Variants in RHOBTB1 observed in about 807,000 individuals in gnomAD.
RHOBTB1 encodes the protein rho-related BTB domain-containing protein 1.
In RHOBTB1, 40 loss-of-function variants were observed where a neutral mutation model predicts 71.6. That is an observed-to-expected ratio of 0.56 (90% CI 0.43 to 0.73). The LOEUF (loss-of-function observed/expected upper bound fraction) is 0.73. Ranked by LOEUF, RHOBTB1 falls within the 30% of genes least tolerant of loss-of-function variation. The pLI is 0.00. For missense variants in RHOBTB1, 797 were observed against 894.0 expected (o/e 0.89, Z 1.38); for synonymous variants, 319 against 334.9 (o/e 0.95, Z 0.52).
At chr10:60,924,613 C>A (rs1488201152) in intron 2 of RHOBTB1, among the ~76,000 whole-genome samples, 10 of 152,170 alleles carry the variant, frequency 6.6e-5, no homozygotes, top group African/African-American at 2.2e-4. Flanking sequence ...AAGAAAAAAA[C>A]ATCAGACTTA....
intron 1 of RHOBTB1, among the ~76,000 whole-genome samples, chr10:60,990,272 C>T (rs2086815765): frequency 2.6e-5 from 4 of 152,074 alleles, no homozygotes; most frequent in Admixed American, 2.0e-4. Context: ...CGTCAGCCAC[C>T]GTGCCCGGCC....
rs1001966545 is a variant in RHOBTB1 at position 60,895,699 on chromosome 10, C to T, written c.297-2704G>A. Among the ~76,000 whole-genome samples, 8 of 152,366 alleles carry T rather than the reference C, an allele frequency of 5.3e-5. No individual in the cohort carries two copies. In the South Asian group the frequency reaches 1.2e-3, roughly 24 times the overall value. ...GATTACAGGCGCAAGCCACCGCGCC[C>T]GGCCCAAGATCATATTTTAAGTATC... On this transcript the variant is annotated intron_variant, in intron 4 of 10. Coordinates refer to ENST00000337910, the MANE Select transcript of RHOBTB1 (RefSeq NM_014836.5).
At chr10:60,922,364 C>T (rs1003697202) in intron 2 of RHOBTB1, among the ~76,000 whole-genome samples, 1 of 152,168 alleles carries the variant, frequency 6.6e-6, no homozygotes, top group South Asian at 2.1e-4. Flanking sequence ...GGCACTGATG[C>T]CTTGAACCCT....
chr10:60,978,643 T>C (rs980084746), intron 2 of RHOBTB1, among the ~76,000 whole-genome samples: 4 of 152,178 alleles, frequency 2.6e-5, no homozygotes, highest in Non-Finnish European at 5.9e-5. Flanking sequence ...GTTCTAGAGA[T>C]AAATCAAGCT....
intron 2 of RHOBTB1, among the ~76,000 whole-genome samples, chr10:60,921,836 GC>G (rs1184283096): frequency 1.3e-5 from 2 of 152,118 alleles, no homozygotes; most frequent in African/African-American, 4.8e-5. Context: ...CATCTGTGTG[GC>G]CCATCACAAG....
intron 2 of RHOBTB1, among the ~76,000 whole-genome samples, chr10:60,941,308 T>C (rs1461343144): frequency 6.6e-6 from 1 of 152,194 alleles, no homozygotes; most frequent in Non-Finnish European, 1.5e-5. Context: ...TCACCTATAG[T>C]TTGGGACTCA....
At chr10:60,970,418 G>T (rs747876571) in intron 2 of RHOBTB1, among the ~76,000 whole-genome samples, 2 of 151,848 alleles carry the variant, frequency 1.3e-5, no homozygotes, top group African/African-American at 2.4e-5. Flanking sequence ...ATAATAACAT[G>T]CATTTTTCCT....
chr10:60,916,605 G>A (rs2133577315), intron 2 of RHOBTB1, among the ~76,000 whole-genome samples: 1 of 152,242 alleles, frequency 6.6e-6, no homozygotes, highest in African/African-American at 2.4e-5. Context: ...CCTTTTGAAT[G>A]GATGATCTTT....
At chr10:60,895,791 T>C (rs1220447035) in intron 4 of RHOBTB1, among the ~76,000 whole-genome samples, 2 of 152,254 alleles carry the variant, frequency 1.3e-5, no homozygotes, top group African/African-American at 4.8e-5. Flanking sequence ...AAGAAAACTT[T>C]ACATAAAGAT....
intron 2 of RHOBTB1, among the ~76,000 whole-genome samples, chr10:60,977,553 T>G (rs2086356777): frequency 6.6e-6 from 1 of 152,076 alleles, no homozygotes; most frequent in Non-Finnish European, 1.5e-5. Context: ...TTTGTTTACT[T>G]TTTTCTCACC....
intron 4 of RHOBTB1, among the ~76,000 whole-genome samples, chr10:60,893,704 T>C (rs1027263554): frequency 2.0e-5 from 3 of 152,208 alleles, no homozygotes; most frequent in African/African-American, 2.4e-5. Flanking sequence ...TTACATGAGA[T>C]ACAAAGCAGG....
At chr10:60,900,925 T>C (rs1260465149) in intron 4 of RHOBTB1, among the ~76,000 whole-genome samples, 1 of 152,224 alleles carries the variant, frequency 6.6e-6, no homozygotes, top group African/African-American at 2.4e-5. Context: ...TGTAATTGGA[T>C]AATTTCATAA....
rs140673515 is a variant in RHOBTB1, at chr10:60,888,899, C to A, written c.769G>T (p.Ala257Ser). The A allele has an allele frequency of 3.1e-6, 5 of 1,614,158 alleles. No individual in the cohort carries two copies. Among genetic ancestry groups the A allele is most frequent in the Non-Finnish European group, 4.2e-6 (5 of 1,180,016 alleles). Residue 257 changes from alanine to serine, a missense_variant, in exon 6 of 11, where the codon GCC becomes TCC. Transcript: ENST00000337910. Reference protein sequence around the residue: ...ECPSMGTNEAACLLDNPLCAD... With the variant: ...ECPSMGTNEASCLLDNPLCAD... ...CATAGAGGATTGTCCAGTAAACAGGCAGCTTCATTTGTCCCCATGGAAGGA... is the reference window on the plus strand; with the variant it reads ...CATAGAGGATTGTCCAGTAAACAGGAAGCTTCATTTGTCCCCATGGAAGGA...
intron 2 of RHOBTB1, among the ~76,000 whole-genome samples, chr10:60,975,485 T>C (rs2086286319): frequency 6.6e-6 from 1 of 152,096 alleles, no homozygotes; most frequent in South Asian, 2.1e-4. Context: ...AGTTTTTAAG[T>C]GATGTGTAAA....
Position 60,888,571 on chromosome 10 carries a change from G to A in RHOBTB1, c.1097C>T (p.Pro366Leu), listed in dbSNP as rs927796824. 1 of 1,614,044 alleles carries A rather than the reference G, an allele frequency of 6.2e-7. No homozygotes were observed. The highest frequency in any genetic ancestry group is 1.7e-5 in the Admixed American group (1 of 60,000). The stretch of plus-strand genomic sequence containing the variant: ...CCATCCGGTCAAAGTCTGTGTCTCA[G>A]GAACTGCACCCTCGGCTTCCAGCCC... Reference protein sequence around the residue: ...ALGLEAEGAVPETQTLTGWSK... With the variant: ...ALGLEAEGAVLETQTLTGWSK... Residue 366 changes from proline to leucine, a missense_variant, in exon 6 of 11, where the codon CCT becomes CTT. Pro to Leu is a moderately conservative substitution (Grantham distance 98, BLOSUM62 -3). Around this residue, in one of 2 missense-constraint regions of RHOBTB1, gnomAD observed 658 missense variants for 681.5 expected, o/e 0.97. Coordinates refer to ENST00000337910, the MANE Select transcript of RHOBTB1 (RefSeq NM_014836.5).
chr10:60,895,019 C>A (rs2082094917), intron 4 of RHOBTB1, among the ~76,000 whole-genome samples: 1 of 152,128 alleles, frequency 6.6e-6, no homozygotes. Context: ...ATCCAGATGA[C>A]CTGTAAACAA....
At chr10:60,905,484 A>G (rs977027292) in intron 4 of RHOBTB1, among the ~76,000 whole-genome samples, 6 of 150,620 alleles carry the variant, frequency 4.0e-5, no homozygotes, top group Admixed American at 2.6e-4. Context: ...AATTCAAATT[A>G]AGGCAAAAAA....
intron 2 of RHOBTB1, among the ~76,000 whole-genome samples, chr10:60,966,136 G>C (rs1234181809): frequency 6.6e-6 from 1 of 152,002 alleles, no homozygotes; most frequent in South Asian, 2.1e-4. Context: ...ATAATGTCTT[G>C]AAAAGATTGA....
At chr10:61,000,447 C>A (rs1181623875) in intron 1 of RHOBTB1, among the ~76,000 whole-genome samples, 1 of 152,108 alleles carries the variant, frequency 6.6e-6, no homozygotes, top group African/African-American at 2.4e-5. Flanking sequence ...GGATTCTCAG[C>A]ACACACACCT....
Sources: allele counts gnomAD v4.1 joint callset (sites outside exome capture counted in the v4.1 genomes callset), GRCh38; gene constraint gnomAD v4.1.1; regional missense constraint gnomAD v4.1.1; transcripts MANE v1.5; gene names NCBI Gene and HGNC (gene_info 2026-07-23, HGNC 2026-07-21).